The following MACROD2 variants were observed in gnomAD, a reference collection of about 807,000 sequenced individuals.
The protein encoded by MACROD2 is mono-ADP ribosylhydrolase 2.
In MACROD2, 36 loss-of-function variants were observed where a neutral mutation model predicts 70.4. The observed-to-expected ratio is 0.51, with a 90% confidence interval of 0.39 to 0.68. MACROD2 has a LOEUF of 0.68. Ranked by LOEUF, MACROD2 falls within the 30% of genes least tolerant of loss-of-function variation. MACROD2 has a pLI of 0.00. For missense variants in MACROD2, 496 were observed against 538.4 expected, an observed-to-expected ratio of 0.92 and a Z score of 0.78; for synonymous variants, 172 against 178.8, an observed-to-expected ratio of 0.96 and a Z score of 0.30.
intron 5 of MACROD2, among the ~76,000 whole-genome samples, chr20:14,904,476 T>C (rs1914582154): frequency 6.6e-6 from 1 of 152,112 alleles, no homozygotes; most frequent in Admixed American, 6.6e-5. Flanking sequence ...TGGGTACATA[T>C]ATGCATTATG....
intron 9 of MACROD2, among the ~76,000 whole-genome samples, chr20:15,879,094 T>C (rs2064716698): frequency 6.6e-6 from 1 of 152,152 alleles, no homozygotes; most frequent in Admixed American, 6.6e-5. Flanking sequence ...TTTTCTGGAA[T>C]TGGCATTTCT....
rs192576177 is a variant in MACROD2 at position 14,496,590 on chromosome 20, T to C, written c.301+3082T>C. 1.5e-3 allele frequency among the ~76,000 whole-genome samples: 228 copies of C among 152,310 alleles called. 2 individuals carry two copies. The highest frequency in any genetic ancestry group is 2.6e-3 in the Non-Finnish European group (180 of 68,014). ...CATCTTTGAGCTAGATATCAATCTTTCTATGAATGTATTGCCACTGACTGC... is the reference window on the plus strand; with the variant it reads ...CATCTTTGAGCTAGATATCAATCTTCCTATGAATGTATTGCCACTGACTGC... On this transcript the variant is annotated intron_variant, in intron 4 of 17. Transcript: ENST00000684519.
chr20:15,969,618 G>A (rs889606416), intron 13 of MACROD2, among the ~76,000 whole-genome samples: 2 of 152,042 alleles, frequency 1.3e-5, no homozygotes, highest in African/African-American at 2.4e-5. Context: ...TGAACTAGAA[G>A]TTAGGTCAGA....
intron 4 of MACROD2, among the ~76,000 whole-genome samples, chr20:14,610,753 A>C (rs1014732063): frequency 3.3e-5 from 5 of 152,098 alleles, no homozygotes; most frequent in Non-Finnish European, 5.9e-5. Context: ...ATGTGAAAGC[A>C]TACATCAATA....
intron 4 of MACROD2, among the ~76,000 whole-genome samples, chr20:14,541,834 A>G (rs1370359067): frequency 6.6e-6 from 1 of 152,200 alleles, no homozygotes; most frequent in Non-Finnish European, 1.5e-5. Flanking sequence ...ATGTCTTAAA[A>G]ATATTGATTA....
At chr20:15,547,651 A>G (rs2048042479) in intron 8 of MACROD2, among the ~76,000 whole-genome samples, 1 of 152,188 alleles carries the variant, frequency 6.6e-6, no homozygotes, top group Non-Finnish European at 1.5e-5. Flanking sequence ...GTGATCGCAA[A>G]TTTGTAAGAT....
At chr20:14,932,146 A>G (rs909776733) in intron 5 of MACROD2, among the ~76,000 whole-genome samples, 5 of 152,134 alleles carry the variant, frequency 3.3e-5, no homozygotes, top group African/African-American at 1.2e-4. Context: ...CGGGTGGGCA[A>G]ACTCCCTATT....
chr20:15,930,214 T>A (rs1226524155), intron 10 of MACROD2, among the ~76,000 whole-genome samples: 1 of 152,208 alleles, frequency 6.6e-6, no homozygotes, highest in African/African-American at 2.4e-5. Flanking sequence ...TTTATGTGCT[T>A]CCTGTGACGA....
chr20:14,951,592 A>G (rs2074476669), intron 5 of MACROD2, among the ~76,000 whole-genome samples: 1 of 152,156 alleles, frequency 6.6e-6, no homozygotes, highest in Non-Finnish European at 1.5e-5. Context: ...GCACTGCTGT[A>G]GGACTCCGAG....
At chr20:15,485,451 G>T (rs773235496) in intron 7 of MACROD2, among the ~76,000 whole-genome samples, 4 of 152,022 alleles carry the variant, frequency 2.6e-5, no homozygotes, top group Non-Finnish European at 2.9e-5. Flanking sequence ...ACAACTCCAG[G>T]CTATCTTGTA....
intron 5 of MACROD2, among the ~76,000 whole-genome samples, chr20:15,007,617 G>C (rs2075049870): frequency 6.6e-6 from 1 of 152,184 alleles, no homozygotes; most frequent in Admixed American, 6.5e-5. Flanking sequence ...AGGCAATTAG[G>C]TCCTCAGGAT....
chr20:15,657,565 A>C (rs1236231927), intron 8 of MACROD2, among the ~76,000 whole-genome samples: 1 of 152,212 alleles, frequency 6.6e-6, no homozygotes, highest in Non-Finnish European at 1.5e-5. Flanking sequence ...AATATGCTTA[A>C]ACTCTAATGG....
chr20:14,887,755 T>C (rs961742639), intron 5 of MACROD2, among the ~76,000 whole-genome samples: 2 of 152,076 alleles, frequency 1.3e-5, no homozygotes, highest in African/African-American at 4.8e-5. Context: ...TTTTCATTTT[T>C]GGTTTAATGG....
At chr20:15,111,018 T>C (rs1401573810) in intron 5 of MACROD2, among the ~76,000 whole-genome samples, 1 of 152,154 alleles carries the variant, frequency 6.6e-6, no homozygotes, top group Non-Finnish European at 1.5e-5. Flanking sequence ...ATTTTACCCA[T>C]TTTTGAGAAT....
At chr20:15,283,462 C>A (rs954000882) in intron 6 of MACROD2, among the ~76,000 whole-genome samples, 7 of 152,124 alleles carry the variant, frequency 4.6e-5, no homozygotes, top group African/African-American at 1.7e-4. Context: ...CACCTGAGGT[C>A]AGGAGTTCAA....
At chr20:14,278,758 A>G (rs760748997) in intron 3 of MACROD2, among the ~76,000 whole-genome samples, 12 of 152,202 alleles carry the variant, frequency 7.9e-5, no homozygotes, top group Non-Finnish European at 1.2e-4. Flanking sequence ...TTGCTGTCAT[A>G]TTTAACAACA....
intron 3 of MACROD2, among the ~76,000 whole-genome samples, chr20:14,122,279 C>T (rs1882387902): frequency 6.6e-6 from 1 of 152,116 alleles, no homozygotes; most frequent in Non-Finnish European, 1.5e-5. Flanking sequence ...ATCTCTGTTT[C>T]CTCATCTTTT....
intron 6 of MACROD2, among the ~76,000 whole-genome samples, chr20:15,293,148 C>T (rs1427072646): frequency 6.6e-6 from 1 of 152,200 alleles, no homozygotes; most frequent in Non-Finnish European, 1.5e-5. Flanking sequence ...TTAAGGGCTA[C>T]ATAGAATAAG....
At chr20:14,831,665 G>A (rs1017498574) in intron 5 of MACROD2, among the ~76,000 whole-genome samples, 13 of 150,348 alleles carry the variant, frequency 8.6e-5, no homozygotes, top group African/African-American at 1.5e-4. Context: ...TTGTAATCCC[G>A]GCTACTCAGG....
Sources: allele counts gnomAD v4.1 joint callset (sites outside exome capture counted in the v4.1 genomes callset), GRCh38; gene constraint gnomAD v4.1.1; transcripts MANE v1.5; gene names NCBI Gene and HGNC (gene_info 2026-07-23, HGNC 2026-07-21).